The following MFGE8 variants were observed in gnomAD, a reference collection of about 807,000 sequenced individuals.
MFGE8 encodes milk fat globule EGF and factor V/VIII domain containing, also known as lactadherin.
A neutral mutation model predicts 42.6 loss-of-function variants in MFGE8; 34 were observed. The ratio of observed to expected loss-of-function variants is 0.80; its 90% confidence interval spans 0.61 to 1.06. The LOEUF (loss-of-function observed/expected upper bound fraction) is 1.06. Among genes scored for constraint, MFGE8 ranks in the 50% least tolerant of loss-of-function variants. MFGE8 has a pLI of 0.00. For missense variants in MFGE8, 510 were observed against 516.9 expected, an observed-to-expected ratio of 0.99 and a Z score of 0.13; for synonymous variants, 230 against 214.8, an observed-to-expected ratio of 1.07 and a Z score of -0.62.
intron 2 of MFGE8, among the ~76,000 whole-genome samples, chr15:88,908,642 G>T (rs1898810845): frequency 6.6e-6 from 1 of 152,142 alleles, no homozygotes; most frequent in Non-Finnish European, 1.5e-5. Flanking sequence ...TTCCCACTCA[G>T]GCACACTCAC....
rs545726741 is a variant in MFGE8, at chr15:88,909,581, G to A, written c.205+211C>T. Among the ~76,000 whole-genome samples the A allele has an allele frequency of 9.8e-3, 1,493 of 152,316 alleles. 20 individuals are homozygous for A. Among genetic ancestry groups the A allele is most frequent in the African/African-American group, 0.033 (1,363 of 41,560 alleles). On this transcript the variant is annotated intron_variant, in intron 2 of 7. Transcript: ENST00000268150. ...CAGTCTCAGGAAAGAGGGCCAGGCA[G>A]AAAGAAGGAAGAAACAACAGGACCC...
Position 88,902,142 on chromosome 15 carries a change from C to T in MFGE8, c.686-407G>A, listed in dbSNP as rs1480079541. The T allele has an allele frequency of 8.2e-6, 2 of 245,002 alleles. No homozygotes were observed. The highest frequency in any genetic ancestry group is 2.2e-5 in the African/African-American group (1 of 45,366). The allele number at this position is 245,002 out of a possible 1,614,324, so 15.2% of individuals were successfully genotyped here. Reference sequence around the variant, plus strand: ...TGGACTCACAGCACTGCCCCCATCGCCTCGGCCTCCCATCCGTCCCATGGC... The same window carrying T: ...TGGACTCACAGCACTGCCCCCATCGTCTCGGCCTCCCATCCGTCCCATGGC... On this transcript the variant is annotated intron_variant, in intron 5 of 7. Transcript: ENST00000268150. This position sits in a 1 kb window ranked among gnomAD's most constrained non-coding sequence, Gnocchi z 4.3.
rs1437855942 is a variant in MFGE8 at position 88,902,524 on chromosome 15, A to G, written c.686-789T>C. 1 of 152,282 alleles carries G rather than the reference A, an allele frequency of 6.6e-6. No homozygotes were observed. The highest frequency in any genetic ancestry group is 1.5e-5 in the Non-Finnish European group (1 of 68,090). The allele number at this position is 152,282 out of a possible 1,614,324, so 9.4% of individuals were successfully genotyped here. The stretch of plus-strand genomic sequence containing the variant: ...AGGAACATCTCTATTTCCATTCCCC[A>G]GAAGCCCCCTGACTTAGTGTCTCCC... On this transcript the variant is annotated intron_variant, in intron 5 of 7. Coordinates refer to ENST00000268150, the MANE Select transcript of MFGE8 (RefSeq NM_005928.4). This position sits in a 1 kb window ranked among gnomAD's most constrained non-coding sequence, Gnocchi z 4.3.
At chr15:88,901,420 G>T in intron 6 of MFGE8, 131 bp downstream of exon 6, 1 of 886,000 alleles carries the variant, frequency 1.1e-6, no homozygotes, top group Non-Finnish European at 1.7e-6. Context: ...AAAAGCCGAA[G>T]AAAAACAAGG....
chr15:88,899,508 G>C lies in MFGE8; in HGVS notation c.1051C>G (p.His351Asp), dbSNP rs767528883. The change falls in exon 8 of 8, where the codon CAC becomes GAC. Residue 351 changes from histidine to aspartate, a missense_variant. Transcript: ENST00000268150. The surrounding 1 kb of genome is among the most constrained non-coding windows in gnomAD (Gnocchi z 6.8). ...SKIFPGNWDN[H>D]SHKKNLFETP... ...TCAAACAAGTTCTTCTTGTGGGAGTGGTTGTCCCAGTTGCCAGGGAAGATC... is the reference window on the plus strand; with the variant it reads ...TCAAACAAGTTCTTCTTGTGGGAGTCGTTGTCCCAGTTGCCAGGGAAGATC... 11 of 1,614,100 alleles carry C rather than the reference G, an allele frequency of 6.8e-6. No homozygotes were observed. The highest frequency in any genetic ancestry group is 9.3e-6 in the Non-Finnish European group (11 of 1,180,036).
chr15:88,912,243 C>A, intron 1 of MFGE8: 1 of 1,289,666 alleles, frequency 7.8e-7, no homozygotes, highest in Non-Finnish European at 1.0e-6. Context: ...AACATTTGGC[C>A]AGAGTTCAGG....
rs1490532967 is a variant in MFGE8 at position 88,905,007 on chromosome 15, T to C, written c.685+750A>G. On this transcript the variant is annotated intron_variant, in intron 5 of 7. Coordinates refer to ENST00000268150, the MANE Select transcript of MFGE8 (RefSeq NM_005928.4). The surrounding 1 kb of genome is among the most constrained non-coding windows in gnomAD (Gnocchi z 6.6). Reference sequence around the variant, plus strand: ...GGTTGAGCTGGGCTGAGACAATTAATGTCTGTCAGCCCAAACCCGGCACTC... The same window carrying C: ...GGTTGAGCTGGGCTGAGACAATTAACGTCTGTCAGCCCAAACCCGGCACTC... 1.9e-5 allele frequency: 3 copies of C among 161,160 alleles called. No individual in the cohort carries two copies. Among genetic ancestry groups the C allele is most frequent in the Admixed American group, 5.9e-5 (1 of 16,878 alleles). The allele number at this position is 161,160 out of a possible 1,614,324, so 10.0% of individuals were successfully genotyped here.
At position 88,906,541 on chromosome 15, in the gene MFGE8, TG is replaced by T; in HGVS notation, c.540+84del. 1.3e-6 allele frequency: 2 copies of T among 1,529,576 alleles called. No homozygotes were observed. 94.8% of individuals were successfully genotyped at this position (1,529,576 alleles called of 1,614,324 possible). The stretch of plus-strand genomic sequence containing the variant: ...TCATAGCCAATCACCTAGGGTTCTC[TG>T]GACTCGCTGGGGGTCCTCAGTCAAT... On this transcript the variant is annotated intron_variant, in intron 4 of 7. Coordinates refer to ENST00000268150, the MANE Select transcript of MFGE8 (RefSeq NM_005928.4). This position sits in a 1 kb window ranked among gnomAD's most constrained non-coding sequence, Gnocchi z 4.2.
intron 6 of MFGE8, chr15:88,900,687 C>G: frequency 1.0e-6 from 1 of 985,230 alleles, no homozygotes; most frequent in South Asian, 4.7e-5. Flanking sequence ...CTAGGCAGAT[C>G]ATCGTCCTGC....
chr15:88,901,876 C>T (rs1267603354), intron 5 of MFGE8, 141 bp from the exon 6 acceptor site: 27 of 832,846 alleles, frequency 3.2e-5, no homozygotes, highest in South Asian at 1.5e-4. Flanking sequence ...CAGCTCCATC[C>T]GCCTTGCAGG....
At chr15:88,904,147 A>C (rs1898558672) in intron 5 of MFGE8, 1 of 152,198 alleles carries the variant, frequency 6.6e-6, no homozygotes, top group Non-Finnish European at 1.5e-5. Flanking sequence ...TCCTCGCCTC[A>C]AGTCTGCCTT....
At position 88,899,767 on chromosome 15, in the gene MFGE8, C is replaced by T. The variant is rs1898274617; in HGVS notation, c.915G>A (p.Gln305=). ...GGACAGAGCCAAAGTTACGGGCCCCCTGGGTGATGATGCCTGTCACCTCCT... is the reference window on the plus strand; with the variant it reads ...GGACAGAGCCAAAGTTACGGGCCCCTTGGGTGATGATGCCTGTCACCTCCT... ...SSKEVTGIIT[Q]GARNFGSVQF... is the part of the protein sequence containing the mutation. Residue 305 remains glutamine (Q), a synonymous_variant, in exon 7 of 8, where the codon CAG becomes CAA. Coordinates refer to ENST00000268150, the MANE Select transcript of MFGE8 (RefSeq NM_005928.4). This position sits in a 1 kb window ranked among gnomAD's most constrained non-coding sequence, Gnocchi z 6.8. 6.2e-7 allele frequency: 1 copy of T among 1,613,958 alleles called. No homozygotes were observed. Among genetic ancestry groups the T allele is most frequent in the African/African-American group, 1.3e-5 (1 of 74,902 alleles).
Position 88,906,526 on chromosome 15 carries a change from T to C in MFGE8, c.540+100A>G. 1.4e-6 allele frequency: 2 copies of C among 1,397,156 alleles called. No individual in the cohort carries two copies. Among genetic ancestry groups the C allele is most frequent in the Non-Finnish European group, 2.0e-6 (2 of 984,654 alleles). 86.5% of individuals were successfully genotyped at this position (1,397,156 alleles called of 1,614,324 possible). A position where few individuals can be genotyped will look rare whatever the true frequency, so the allele number is the denominator to read the frequency against. ...ACCCGAAGACCCACATCATAGCCAA[T>C]CACCTAGGGTTCTCTGGACTCGCTG... On this transcript the variant is annotated intron_variant, in intron 4 of 7. Coordinates refer to ENST00000268150, the MANE Select transcript of MFGE8 (RefSeq NM_005928.4). The surrounding 1 kb of genome is among the most constrained non-coding windows in gnomAD (Gnocchi z 4.2).
chr15:88,910,339 G>A (rs1898899154), intron 1 of MFGE8: 1 of 327,468 alleles, frequency 3.1e-6, no homozygotes, highest in Non-Finnish European at 6.0e-6. Context: ...GTGGAAGGAA[G>A]CATTGTTCTG....
intron 6 of MFGE8, chr15:88,900,577 G>T (rs1454118926): frequency 6.1e-6 from 2 of 329,394 alleles, no homozygotes; most frequent in East Asian, 1.7e-4. Flanking sequence ...TCCTGTCCCC[G>T]GTCCCTGACC....
At chr15:88,912,477 T>G in intron 1 of MFGE8, 1 of 985,352 alleles carries the variant, frequency 1.0e-6, no homozygotes. Context: ...AGGGGCCACC[T>G]AAAGAGTCCT....
chr15:88,900,954 T>C (rs1444430526), intron 6 of MFGE8, among the ~76,000 whole-genome samples: 1 of 100,212 alleles, frequency 1.0e-5, no homozygotes, highest in Non-Finnish European at 2.4e-5. Context: ...TCTCCCCTTG[T>C]GTACACACAT....
chr15:88,901,951 C>A, intron 5 of MFGE8: 1 of 591,270 alleles, frequency 1.7e-6, no homozygotes, highest in Non-Finnish European at 3.1e-6. Flanking sequence ...CCGGGCTCAG[C>A]TCCTCACAGA....
At chr15:88,912,063 G>A (rs2141729105) in intron 1 of MFGE8, 1 of 1,257,092 alleles carries the variant, frequency 8.0e-7, no homozygotes. Flanking sequence ...ACTGCTCCAG[G>A]GCAAAACGGT....
Sources: allele counts gnomAD v4.1 joint callset (sites outside exome capture counted in the v4.1 genomes callset), GRCh38; gene constraint gnomAD v4.1.1; non-coding constraint Gnocchi (gnomAD v3.1); transcripts MANE v1.5; gene names NCBI Gene and HGNC (gene_info 2026-07-23, HGNC 2026-07-21).